The following DOT1L variants were observed in gnomAD, a reference collection of about 807,000 sequenced individuals.
The protein encoded by DOT1L is DOT1 like histone lysine methyltransferase, also known as histone-lysine N-methyltransferase, H3 lysine-79 specific.
Under a neutral mutation model 153.3 loss-of-function variants are expected in DOT1L, and 33 were observed. The ratio of observed to expected loss-of-function variants is 0.22; its 90% CI spans 0.16 to 0.29. DOT1L has a LOEUF of 0.29. DOT1L is among the 10% of genes least tolerant of loss of function. DOT1L has a pLI of 1.00. For missense variants in DOT1L, 1,847 were observed against 2,119.9 expected (o/e 0.87, Z 2.53); for synonymous variants, 1,135 against 965.1 (o/e 1.18, Z -3.26).
chr19:2,165,632 C>T (rs2019884579), intron 1 of DOT1L, among the ~76,000 whole-genome samples: 1 of 152,256 alleles, frequency 6.6e-6, no homozygotes, highest in African/African-American at 2.4e-5. Flanking sequence ...ACCCTTCCAG[C>T]CTCCACTTCT....
intron 12 of DOT1L, 94 bp from the exon 13 acceptor site, chr19:2,210,305 TG>T: frequency 9.0e-7 from 1 of 1,113,318 alleles, no homozygotes; most frequent in Non-Finnish European, 1.2e-6. Context: ...GTTGGGCCCG[TG>T]GCCCCCTTGA....
intron 27 of DOT1L, 116 bp downstream of exon 27, chr19:2,227,243 TGCCG>T: frequency 7.4e-7 from 1 of 1,358,626 alleles, no homozygotes; most frequent in Non-Finnish European, 1.0e-6. Flanking sequence ...GGTCCCCTGG[TGCCG>T]GCCGGCCCCC....
At position 2,222,622 on chromosome 19, in the gene DOT1L, C is replaced by T. The variant is rs113724638; in HGVS notation, c.3390+63C>T. 5,910 of 1,441,624 alleles carry T rather than the reference C, an allele frequency of 4.1e-3. 108 individuals are homozygous for T. In the African/African-American group the frequency reaches 0.05, roughly 12 times the overall value. 89.3% of individuals were successfully genotyped at this position (1,441,624 alleles called of 1,614,324 possible). On this transcript the variant is annotated intron_variant, in intron 24 of 27. Transcript: ENST00000398665. This position sits in a 1 kb window ranked among gnomAD's most constrained non-coding sequence, Gnocchi z 6.5. The stretch of plus-strand genomic sequence containing the variant: ...TGTGAAAGAAAGACCAGAGGGAGAC[C>T]GGGCGCGGTGGCTCACGCCTGTAAT...
In DOT1L at chr19:2,193,674, T is replaced by A; in HGVS notation, c.494-15T>A. ...TGAGCGCTGTGTGGTATCTGATGGA[T>A]CTCTCTGATCATAGGTGTGGGCCAG... is the stretch of plus-strand genomic sequence containing the variant. On this transcript the variant is annotated splice_polypyrimidine_tract_variant and intron_variant, in intron 5 of 27. Coordinates refer to ENST00000398665, the MANE Select transcript of DOT1L (RefSeq NM_032482.3). The surrounding 1 kb of genome is among the most constrained non-coding windows in gnomAD (Gnocchi z 5.9). 6.2e-7 allele frequency: 1 copy of A among 1,612,864 alleles called. No individual in the cohort carries two copies. The highest frequency in any genetic ancestry group is 8.5e-7 in the Non-Finnish European group (1 of 1,179,044).
rs2024629447 is a variant in DOT1L, at chr19:2,232,188, T to C, written c.*2396T>C. The C allele has an allele frequency of 4.5e-6, 1 of 222,876 alleles. No homozygotes were observed. Among genetic ancestry groups the C allele is most frequent in the African/African-American group, 2.3e-5 (1 of 44,440 alleles). The allele number at this position is 222,876 out of a possible 1,614,324, so 13.8% of individuals were successfully genotyped here. ...TGGGTGGGCGGGCGGCGCCTGGGAG[T>C]GGCTCTTGCTCAGGAATTGATAGGA... On this transcript the variant is annotated 3_prime_UTR_variant, in exon 28 of 28. Coordinates refer to ENST00000398665, the MANE Select transcript of DOT1L (RefSeq NM_032482.3).
intron 2 of DOT1L, among the ~76,000 whole-genome samples, chr19:2,183,168 C>T (rs953414798): frequency 6.6e-6 from 1 of 152,146 alleles, no homozygotes; most frequent in Non-Finnish European, 1.5e-5. Context: ...GCACGTCCTC[C>T]CACAGTGGTG....
intron 2 of DOT1L, among the ~76,000 whole-genome samples, chr19:2,181,173 C>G (rs988151169): frequency 1.2e-4 from 18 of 152,264 alleles, no homozygotes; most frequent in Non-Finnish European, 2.4e-4. Flanking sequence ...TAAGCTCCAG[C>G]CTGGGCTCCA....
At chr19:2,187,432 G>C (rs1165256398) in intron 3 of DOT1L, among the ~76,000 whole-genome samples, 1 of 152,226 alleles carries the variant, frequency 6.6e-6, no homozygotes, top group African/African-American at 2.4e-5. Flanking sequence ...TCAGGGACAG[G>C]CTGGGCAGGG....
intron 3 of DOT1L, among the ~76,000 whole-genome samples, chr19:2,188,499 G>A (rs887074154): frequency 5.0e-5 from 3 of 59,902 alleles, no homozygotes; most frequent in African/African-American, 1.4e-4. Flanking sequence ...CCCCCCACCC[G>A]CACAGGTGCA....
At chr19:2,186,199 G>T (rs868114233) in intron 3 of DOT1L, among the ~76,000 whole-genome samples, 1 of 152,246 alleles carries the variant, frequency 6.6e-6, no homozygotes, top group Non-Finnish European at 1.5e-5. Flanking sequence ...GCTAGTGATC[G>T]CTCTTTTTAT....
intron 2 of DOT1L, 64 bp downstream of exon 2, chr19:2,180,820 C>G: frequency 6.3e-7 from 1 of 1,590,610 alleles, no homozygotes; most frequent in Admixed American, 1.7e-5. Context: ...GACACCCGTG[C>G]CCTGCAGATT....
chr19:2,218,067 GCGTGTCCGGTGA>G, intron 22 of DOT1L, 149 bp downstream of exon 22: 1 of 1,195,804 alleles, frequency 8.4e-7, no homozygotes, highest in Non-Finnish European at 1.1e-6. Context: ...CAAAGCCGGG[GCGTGTCCGGTGA>G]CCTGGGCCGT....
intron 3 of DOT1L, chr19:2,188,128 CG>C: frequency 6.6e-6 from 1 of 152,382 alleles, no homozygotes; most frequent in Non-Finnish European, 1.5e-5. Context: ...GCCGTGCTCC[CG>C]GGGCTGTCGG....
In DOT1L at chr19:2,200,021, C is replaced by T. The variant is rs573107725; in HGVS notation, c.707+82C>T. 70 of 1,536,904 alleles carry T rather than the reference C, an allele frequency of 4.6e-5. 1 individual carries two copies. The highest frequency in any genetic ancestry group is 4.2e-4 in the South Asian group (36 of 84,976). On this transcript the variant is annotated intron_variant, in intron 8 of 27. Coordinates refer to ENST00000398665, the MANE Select transcript of DOT1L (RefSeq NM_032482.3). ...TGGCCATGGCACCGGGGACCGGGAG[C>T]GGCCCCTCGCTCCTGTGCTGGCTGT...
At chr19:2,202,616 G>C (rs577887511) in intron 8 of DOT1L, 84 bp from the exon 9 acceptor site, 2 of 1,390,210 alleles carry the variant, frequency 1.4e-6, no homozygotes, top group African/African-American at 1.4e-5. Context: ...GCCTAGCACC[G>C]ACAGCAGCGG....
chr19:2,202,562 C>A, intron 8 of DOT1L, 138 bp from the exon 9 acceptor site: 1 of 797,516 alleles, frequency 1.3e-6, no homozygotes, highest in Non-Finnish European at 2.1e-6. Flanking sequence ...GTGCGCTCAG[C>A]TGCGTGGGCT....
intron 1 of DOT1L, among the ~76,000 whole-genome samples, chr19:2,173,253 G>A (rs1040610557): frequency 6.6e-6 from 1 of 152,148 alleles, no homozygotes; most frequent in African/African-American, 2.4e-5. Flanking sequence ...TCCCTGTCAC[G>A]CTGTGGCTTT....
intron 2 of DOT1L, among the ~76,000 whole-genome samples, chr19:2,185,542 G>A (rs1422645083): frequency 1.3e-5 from 2 of 152,274 alleles, no homozygotes; most frequent in East Asian, 3.9e-4. Flanking sequence ...GCTGAAGTGG[G>A]CGGATCACTT....
At chr19:2,198,694 C>A (rs1177125182) in intron 7 of DOT1L, among the ~76,000 whole-genome samples, 1 of 152,178 alleles carries the variant, frequency 6.6e-6, no homozygotes, top group Non-Finnish European at 1.5e-5. Context: ...GTGTGGGCTT[C>A]TGCTGTGGCC....
Sources: gnomAD v4.1 joint callset for allele counts (sites outside exome capture counted in the v4.1 genomes callset) on GRCh38, gnomAD v4.1.1 for gene constraint, Gnocchi (gnomAD v3.1) non-coding constraint, MANE v1.5 for transcripts, NCBI Gene and HGNC (gene_info 2026-07-23, HGNC 2026-07-21) for gene names.